The following CHD9 variants were observed in gnomAD, a reference collection of about 807,000 sequenced individuals.
CHD9 encodes ATP-dependent chromatin remodeler CHD9.
CHD9 carries 77 observed loss-of-function variants against 316.1 expected under a neutral mutation model. That is an observed-to-expected ratio of 0.24 (90% CI 0.20 to 0.29). The LOEUF is 0.29. Ranked by LOEUF, CHD9 falls within the 10% of genes least tolerant of loss-of-function variation. The pLI, the probability that CHD9 is intolerant of heterozygous loss-of-function variation, is 1.00. For synonymous variants in CHD9, 1,129 were observed against 1,158.3 expected, an observed-to-expected ratio of 0.97 and a Z score of 0.51; for missense variants, 2,763 against 3,438.1, an observed-to-expected ratio of 0.80 and a Z score of 4.91.
intron 4 of CHD9, among the ~76,000 whole-genome samples, 171 bp downstream of exon 4, chr16:53,222,926 T>C (rs1036009485): frequency 1.3e-5 from 2 of 152,190 alleles, no homozygotes; most frequent in Non-Finnish European, 2.9e-5. Context: ...TACCATAGAA[T>C]ATTAGATGTG....
chr16:53,055,272 T>G (rs2031922427), intron 1 of CHD9, among the ~76,000 whole-genome samples, 195 bp downstream of exon 1: 1 of 152,072 alleles, frequency 6.6e-6, no homozygotes, highest in Non-Finnish European at 1.5e-5. Context: ...GAGCACCAGG[T>G]CGCTGGCACG....
At chr16:53,131,222 G>GAGTGTC (rs1156592630) in intron 1 of CHD9, 1 of 150,974 alleles carries the variant, frequency 6.6e-6, no homozygotes, top group Non-Finnish European at 1.5e-5. Context: ...GGCCAGCCGC[G>GAGTGTC]AGTGTCAGTC....
intron 1 of CHD9, among the ~76,000 whole-genome samples, chr16:53,067,136 T>C (rs967634372): frequency 1.3e-5 from 2 of 152,076 alleles, no homozygotes; most frequent in Non-Finnish European, 2.9e-5. Flanking sequence ...AGATATGGGG[T>C]CTTGCTGTGT....
chr16:53,228,544 T>TG (rs1240139419), intron 7 of CHD9, among the ~76,000 whole-genome samples: 1 of 148,144 alleles, frequency 6.8e-6, no homozygotes, highest in Admixed American at 6.7e-5. Context: ...AGTGTTTTTT[T>TG]TTTTTTTTTT....
chr16:53,159,065 A>C (rs1187541889), intron 2 of CHD9, among the ~76,000 whole-genome samples: 1 of 152,160 alleles, frequency 6.6e-6, no homozygotes, highest in Non-Finnish European at 1.5e-5. Context: ...GCTTGAGACC[A>C]GGAATTCCAG....
chr16:53,063,364 A>T (rs908380580), intron 1 of CHD9, among the ~76,000 whole-genome samples: 1 of 127,536 alleles, frequency 7.8e-6, no homozygotes, highest in Non-Finnish European at 1.5e-5. Flanking sequence ...AATTTCACAC[A>T]CACACACACA....
chr16:53,286,531 T>G (rs1335396898), intron 26 of CHD9, among the ~76,000 whole-genome samples, 188 bp downstream of exon 26: 1 of 152,342 alleles, frequency 6.6e-6, no homozygotes, highest in Non-Finnish European at 1.5e-5. Flanking sequence ...AGGAAGAGGT[T>G]GGACCTGCCC....
chr16:53,239,016 G>T (rs1033893716), intron 12 of CHD9, among the ~76,000 whole-genome samples: 1 of 151,994 alleles, frequency 6.6e-6, no homozygotes, highest in Admixed American at 6.6e-5. Context: ...GAGACCATAG[G>T]TTCTCTTTCA....
At chr16:53,162,502 G>A (rs2041982152) in intron 2 of CHD9, among the ~76,000 whole-genome samples, 1 of 152,170 alleles carries the variant, frequency 6.6e-6, no homozygotes, top group African/African-American at 2.4e-5. Flanking sequence ...AACATGTGGA[G>A]CACTGTGTGA....
In CHD9 at chr16:53,073,881, C is replaced by CTGTATTAGTA. The variant is rs1288474464; in HGVS notation, c.-165+18804_-165+18805insTGTATTAGTA. ...AACAGACTAATACAGTAAATTGGTA[C>CTGTATTAGTA]CAGTAGAGTGGGGCGCTGCTGAAAA... On this transcript the variant is annotated intron_variant, in intron 1 of 38. Transcript: ENST00000447540. Among the ~76,000 whole-genome samples, 5 of 152,166 alleles carry CTGTATTAGTA rather than the reference C, an allele frequency of 3.3e-5. No homozygotes were observed. The East Asian group carries it at 9.7e-4, about 29-fold the overall frequency.
At chr16:53,211,665 T>A (rs534502655) in intron 3 of CHD9, among the ~76,000 whole-genome samples, 1 of 152,164 alleles carries the variant, frequency 6.6e-6, no homozygotes, top group Non-Finnish European at 1.5e-5. Context: ...AATTTATAAG[T>A]CGCAGGCAGA....
In CHD9 at chr16:53,292,972, G is replaced by T. The variant is rs1175544962; in HGVS notation, c.5430G>T (p.Val1810=). The T allele has an allele frequency of 6.2e-7, 1 of 1,613,696 alleles. No individual in the cohort carries two copies. The highest frequency in any genetic ancestry group is 1.7e-5 in the Admixed American group (1 of 59,982). The change falls in exon 29 of 39, where the codon GTG becomes GTT. Residue 1810 remains valine (V), a synonymous_variant. Coordinates refer to ENST00000447540, the MANE Select transcript of CHD9 (RefSeq NM_001308319.2). ...AGCAGATACAACCGACTTTCTCGGT[G>T]CCTACCAGTGTAATGCAGCCTATTT... ...QIQQIQPTFS[V]PTSVMQPIYE...
In CHD9 at chr16:53,308,827, A is replaced by G; in HGVS notation, c.7195A>G (p.Asn2399Asp). 5 of 1,613,722 alleles carry G rather than the reference A, an allele frequency of 3.1e-6. No homozygotes were observed. Among genetic ancestry groups the G allele is most frequent in the Non-Finnish European group, 4.2e-6 (5 of 1,179,740 alleles). ...AAGTGCATCAGAGACCAGCCTCGTC[A>G]ATTTCCCAAAATCCATACCAGTATC... The part of the protein sequence containing the change: ...LQSASETSLV[N>D]FPKSIPVSGT... The change falls in exon 34 of 39, where the codon AAT becomes GAT. Residue 2399 changes from asparagine to aspartate, a missense_variant. Physicochemically the swap from Asn to Asp is conservative, Grantham distance 23. Around this residue, in one of 15 missense-constraint regions of CHD9, gnomAD observed 663 missense variants for 751.2 expected, o/e 0.88. Transcript: ENST00000447540.
At chr16:53,228,537 GTTTTTTT>G (rs758037912) in intron 7 of CHD9, among the ~76,000 whole-genome samples, 1 of 105,062 alleles carries the variant, frequency 9.5e-6, no homozygotes, top group African/African-American at 3.7e-5. Flanking sequence ...CCATGAAAGT[GTTTTTTT>G]TTTTTTTTTT....
At position 53,157,250 on chromosome 16, in the gene CHD9, A is replaced by G. The variant is rs943139699; in HGVS notation, c.1161A>G (p.Glu387=). 23 of 1,601,360 alleles carry G rather than the reference A, an allele frequency of 1.4e-5. No individual in the cohort carries two copies. The highest frequency in any genetic ancestry group is 1.3e-5 in the African/African-American group (1 of 74,744). The stretch of plus-strand genomic sequence containing the variant: ...AAACTAATGGCTTTTCATCTTTAGA[A>G]GAGAATTTACTTCATCAAGTGGAAT... ...HVETNGFSSL[E]ENLLHQVESQ... The change falls in exon 2 of 39, where the codon GAA becomes GAG. Residue 387 remains glutamate, a synonymous_variant. Coordinates refer to ENST00000447540, the MANE Select transcript of CHD9 (RefSeq NM_001308319.2).
chr16:53,148,553 A>G, intron 1 of CHD9, among the ~76,000 whole-genome samples: 1 of 152,230 alleles, frequency 6.6e-6, no homozygotes, highest in East Asian at 1.9e-4. Context: ...GTAGGTGTGA[A>G]GTGATATCTC....
intron 19 of CHD9, among the ~76,000 whole-genome samples, chr16:53,259,539 TCTCA>T (rs1333242300): frequency 6.6e-6 from 1 of 152,136 alleles, no homozygotes; most frequent in Non-Finnish European, 1.5e-5. Context: ...TTGAGACAGA[TCTCA>T]CTCTGTCACT....
At chr16:53,142,380 G>T (rs899267444) in intron 1 of CHD9, among the ~76,000 whole-genome samples, 2 of 152,226 alleles carry the variant, frequency 1.3e-5, no homozygotes, top group East Asian at 3.8e-4. Context: ...AGGATTACAG[G>T]CGTGAGCCAC....
intron 1 of CHD9, among the ~76,000 whole-genome samples, chr16:53,080,493 C>T (rs573967248): frequency 6.6e-6 from 1 of 152,252 alleles, no homozygotes; most frequent in Non-Finnish European, 1.5e-5. Context: ...AACATGCTAC[C>T]CCACCCACCC....
Sources: allele counts gnomAD v4.1 joint callset (sites outside exome capture counted in the v4.1 genomes callset), GRCh38; gene constraint gnomAD v4.1.1; regional missense constraint gnomAD v4.1.1; transcripts MANE v1.5; gene names NCBI Gene and HGNC (gene_info 2026-07-23, HGNC 2026-07-21).